MTREX: variants seen among roughly 807,000 people sequenced by gnomAD.
The protein encoded by MTREX is Mtr4 exosome RNA helicase, also known as exosome RNA helicase MTR4.
A neutral mutation model predicts 135.4 loss-of-function variants in MTREX; 76 were observed. That is an observed-to-expected ratio of 0.56 (90% CI 0.47 to 0.68). The LOEUF is 0.68. MTREX is among the 30% of genes least tolerant of loss of function. The probability of loss-of-function intolerance (pLI) is 0.00; values close to 1 mark genes in which losing one functional copy is unlikely to be tolerated. For synonymous variants in MTREX, 404 were observed against 401.6 expected, an observed-to-expected ratio of 1.01 and a Z score of -0.07; for missense variants, 920 against 1,262.1, an observed-to-expected ratio of 0.73 and a Z score of 4.11.
chr5:55,405,273 G>A, intron 21 of MTREX, 152 bp from the exon 22 acceptor site: 1 of 556,560 alleles, frequency 1.8e-6, no homozygotes, highest in Non-Finnish European at 3.1e-6. Flanking sequence ...AGAAGCTCCA[G>A]TTTCCCCAGT....
At chr5:55,375,334 A>G (rs1750278266) in intron 16 of MTREX, among the ~76,000 whole-genome samples, 2 of 152,264 alleles carry the variant, frequency 1.3e-5, no homozygotes, top group African/African-American at 2.4e-5. Context: ...AGTCTCGAAC[A>G]TAAGAGACAG....
intron 5 of MTREX, among the ~76,000 whole-genome samples, chr5:55,337,723 T>C (rs1749576010): frequency 6.6e-6 from 1 of 151,892 alleles, no homozygotes; most frequent in Non-Finnish European, 1.5e-5. Context: ...AATTTAATGA[T>C]TGATATGGTT....
At chr5:55,400,022 A>G (rs997359281) in intron 20 of MTREX, among the ~76,000 whole-genome samples, 1 of 152,220 alleles carries the variant, frequency 6.6e-6, no homozygotes. Flanking sequence ...ATCATAATAC[A>G]TCTGTAAATC....
At chr5:55,342,346 C>G (rs1579858920) in intron 7 of MTREX, among the ~76,000 whole-genome samples, 1 of 152,340 alleles carries the variant, frequency 6.6e-6, no homozygotes, top group South Asian at 2.1e-4. Flanking sequence ...TGGCGTGCTT[C>G]TAATAGCTCA....
chr5:55,323,379 A>T (rs1015106720), intron 2 of MTREX, among the ~76,000 whole-genome samples: 3 of 152,134 alleles, frequency 2.0e-5, no homozygotes, highest in African/African-American at 7.2e-5. Flanking sequence ...TCAGAGTCTT[A>T]ACAGAGGACC....
intron 5 of MTREX, among the ~76,000 whole-genome samples, chr5:55,332,212 G>A (rs1223025504): frequency 1.3e-5 from 2 of 152,168 alleles, no homozygotes; most frequent in East Asian, 3.9e-4. Flanking sequence ...GATGGAACTG[G>A]GCCATTCTAA....
At chr5:55,349,065 A>G (rs539120143) in intron 11 of MTREX, among the ~76,000 whole-genome samples, 2 of 152,158 alleles carry the variant, frequency 1.3e-5, no homozygotes, top group South Asian at 4.1e-4. Context: ...TTTTTCATGA[A>G]TTAAGTCTAC....
intron 15 of MTREX, among the ~76,000 whole-genome samples, chr5:55,363,964 A>G (rs908340375): frequency 1.3e-5 from 2 of 152,188 alleles, no homozygotes; most frequent in African/African-American, 4.8e-5. Flanking sequence ...ACAGGAAGCA[A>G]TATATGGCCC....
intron 2 of MTREX, among the ~76,000 whole-genome samples, chr5:55,323,476 C>T (rs184114922): frequency 7.2e-5 from 11 of 152,144 alleles, no homozygotes; most frequent in Admixed American, 5.9e-4. Context: ...GGCTGGAGTG[C>T]AGTGGTGTGA....
In MTREX at chr5:55,324,185, G is replaced by A. The variant is rs1326152024; in HGVS notation, c.326G>A (p.Gly109Glu). The A allele has an allele frequency of 1.2e-6, 2 of 1,609,426 alleles. No individual in the cohort carries two copies. ...GTACAATCAGTTGAAACTGTTGAAG[G>A]GTGTACACATGAGGTAAGCACAAAC... The part of the protein sequence containing the change: ...VKVQSVETVE[G>E]CTHEVALPAE... The change falls in exon 3 of 27, where the codon GGG becomes GAG. Residue 109 changes from glycine to glutamate, a missense_variant. Transcript: ENST00000230640.
chr5:55,425,153 A>AATC lies in MTREX; in HGVS notation c.*384_*386dup. Reference sequence around the variant, plus strand: ...AAGATGCATCCTCTTGCCTTGTGGCAATCATTTTCCTTTAGAAAACAGGCC... The same window carrying AATC: ...AAGATGCATCCTCTTGCCTTGTGGCAATCATCATTTTCCTTTAGAAAACAGGCC... On this transcript the variant is annotated 3_prime_UTR_variant, in exon 27 of 27. Transcript: ENST00000230640. 1 of 1,576,754 alleles carries AATC rather than the reference A, an allele frequency of 6.3e-7. No homozygotes were observed. Among genetic ancestry groups the AATC allele is most frequent in the Non-Finnish European group, 8.6e-7 (1 of 1,163,912 alleles).
At chr5:55,310,586 C>G (rs575595967) in intron 1 of MTREX, among the ~76,000 whole-genome samples, 10 of 151,464 alleles carry the variant, frequency 6.6e-5, no homozygotes, top group African/African-American at 2.4e-4. Context: ...CCAGCCTGGG[C>G]GACAGAGCTT....
intron 1 of MTREX, among the ~76,000 whole-genome samples, chr5:55,309,120 G>A (rs1304680196): frequency 6.6e-6 from 1 of 152,160 alleles, no homozygotes; most frequent in Non-Finnish European, 1.5e-5. Context: ...AGAATATTCT[G>A]AGTTAAGGAA....
chr5:55,354,358 C>T (rs773145897), intron 14 of MTREX, among the ~76,000 whole-genome samples: 4 of 151,986 alleles, frequency 2.6e-5, no homozygotes, highest in South Asian at 2.1e-4. Context: ...AGAATATTGG[C>T]GGGGGTGAAA....
chr5:55,359,130 T>C (rs1749968227), intron 15 of MTREX, among the ~76,000 whole-genome samples: 1 of 152,192 alleles, frequency 6.6e-6, no homozygotes, highest in Admixed American at 6.5e-5. Context: ...GCAATCTGCG[T>C]TTACACTTTA....
intron 1 of MTREX, among the ~76,000 whole-genome samples, chr5:55,316,953 A>G (rs1749208454): frequency 6.6e-6 from 1 of 152,196 alleles, no homozygotes; most frequent in Admixed American, 6.5e-5. Flanking sequence ...TTAGTGTACA[A>G]AAAAGGCTAG....
At chr5:55,372,111 C>T (rs559736628) in intron 16 of MTREX, among the ~76,000 whole-genome samples, 17 of 152,202 alleles carry the variant, frequency 1.1e-4, no homozygotes, top group East Asian at 5.8e-4. Flanking sequence ...TAATTCTGGG[C>T]GGGGCAGCAG....
intron 13 of MTREX, among the ~76,000 whole-genome samples, chr5:55,352,220 A>G (rs953251813): frequency 6.6e-6 from 1 of 152,110 alleles, no homozygotes; most frequent in Admixed American, 6.6e-5. Flanking sequence ...TTAAAAATCA[A>G]ATGTGAGATT....
intron 18 of MTREX, among the ~76,000 whole-genome samples, chr5:55,381,676 C>G (rs576658654): frequency 2.2e-4 from 33 of 152,244 alleles, no homozygotes; most frequent in Non-Finnish European, 2.8e-4. Flanking sequence ...CATGGTCTGT[C>G]CTGCAGAATG....
Sources: gnomAD v4.1 joint callset for allele counts (sites outside exome capture counted in the v4.1 genomes callset) on GRCh38, gnomAD v4.1.1 for gene constraint, MANE v1.5 for transcripts, NCBI Gene and HGNC (gene_info 2026-07-23, HGNC 2026-07-21) for gene names.